Variants in LEF1 observed in about 807,000 individuals in gnomAD.
LEF1 encodes the protein lymphoid enhancer-binding factor 1.
A neutral mutation model predicts 51.2 loss-of-function variants in LEF1; 14 were observed. That is an observed-to-expected ratio of 0.27 (90% confidence interval 0.18 to 0.43). The LOEUF (loss-of-function observed/expected upper bound fraction) is 0.43. Among genes scored for constraint, LEF1 ranks in the 20% least tolerant of loss-of-function variants. The pLI is 1.00. For synonymous variants in LEF1, 185 were observed against 183.2 expected (o/e 1.01, Z -0.08); for missense variants, 386 against 512.0 (o/e 0.75, Z 2.37).
chr4:108,067,886 G>A (rs1738185407), intron 9 of LEF1, among the ~76,000 whole-genome samples: 1 of 152,080 alleles, frequency 6.6e-6, no homozygotes, highest in African/African-American at 2.4e-5. Flanking sequence ...TACAGGGCAT[G>A]GCAGGAGCTC....
chr4:108,078,429 G>T, intron 7 of LEF1, 47 bp from the exon 8 acceptor site: 1 of 1,612,790 alleles, frequency 6.2e-7, no homozygotes, highest in South Asian at 1.1e-5. Flanking sequence ...TTGAAGGAAT[G>T]AGGAAGGGAT....
At position 108,137,506 on chromosome 4, in the gene LEF1, A is replaced by C. The variant is rs900840667; in HGVS notation, c.414+26062T>G. 9.2e-5 allele frequency among the ~76,000 whole-genome samples: 14 copies of C among 152,332 alleles called. No individual in the cohort carries two copies. In the Middle Eastern group the frequency reaches 0.017, roughly 185 times the overall value. ...TGATAAAAATGCCCTCAAAGATAGGAAAAGAGGAAAGTGGCACTGATTTGT... is the reference window on the plus strand; with the variant it reads ...TGATAAAAATGCCCTCAAAGATAGGCAAAGAGGAAAGTGGCACTGATTTGT... On this transcript the variant is annotated intron_variant, in intron 3 of 11. Coordinates refer to ENST00000265165, the MANE Select transcript of LEF1 (RefSeq NM_016269.5).
intron 3 of LEF1, among the ~76,000 whole-genome samples, chr4:108,099,780 G>A (rs1216673656): frequency 1.3e-5 from 2 of 151,004 alleles, no homozygotes; most frequent in South Asian, 2.1e-4. Context: ...ATATTTATAT[G>A]ACAACTAGTA....
chr4:108,067,530 T>TC (rs1738156571), intron 9 of LEF1, among the ~76,000 whole-genome samples: 1 of 150,144 alleles, frequency 6.7e-6, no homozygotes, highest in African/African-American at 2.4e-5. Context: ...GATTAGAAGA[T>TC]CCTTTTTTTT....
chr4:108,126,895 A>G lies in LEF1; in HGVS notation c.414+36673T>C, dbSNP rs541849518. 3.8e-3 allele frequency among the ~76,000 whole-genome samples: 511 copies of G among 134,522 alleles called. 5 individuals carry two copies. The Middle Eastern group carries it at 0.049, about 13-fold the overall frequency. 88.3% of individuals were successfully genotyped at this position (134,522 alleles called of 152,430 possible). A position where few individuals can be genotyped will look rare whatever the true frequency, so the allele number is the denominator to read the frequency against. On this transcript the variant is annotated intron_variant, in intron 3 of 11. Transcript: ENST00000265165. Reference sequence around the variant, plus strand: ...TGTGTGTGTGTGTGTGTGTGTGTGTAGCTCTATTTTAGGGGCTAGTCATAC... The same window carrying G: ...TGTGTGTGTGTGTGTGTGTGTGTGTGGCTCTATTTTAGGGGCTAGTCATAC...
chr4:108,136,832 C>T (rs1743295536), intron 3 of LEF1, among the ~76,000 whole-genome samples: 1 of 152,078 alleles, frequency 6.6e-6, no homozygotes, highest in African/African-American at 2.4e-5. Flanking sequence ...AGGGAAATAA[C>T]TTCCAATAAT....
chr4:108,104,528 C>T (rs1469487460), intron 3 of LEF1, among the ~76,000 whole-genome samples: 1 of 149,084 alleles, frequency 6.7e-6, no homozygotes, highest in African/African-American at 2.5e-5. Flanking sequence ...TATCTCTGAA[C>T]ATTGTAATTT....
chr4:108,062,869 G>A lies in LEF1; in HGVS notation c.*6+754C>T, dbSNP rs866670343. 2.0e-5 allele frequency among the ~76,000 whole-genome samples: 3 copies of A among 152,114 alleles called. No homozygotes were observed. In the South Asian group the frequency reaches 6.2e-4, roughly 32 times the overall value. On this transcript the variant is annotated intron_variant, in intron 11 of 11. Coordinates refer to ENST00000265165, the MANE Select transcript of LEF1 (RefSeq NM_016269.5). ...ACCAAAGGCAGCTCCTTTGAGAACT[G>A]TTACCAGGAGAAGAGGTACACACCC... is the stretch of plus-strand genomic sequence containing the variant.
intron 11 of LEF1, among the ~76,000 whole-genome samples, chr4:108,054,095 T>C (rs10025431): frequency 6.6e-6 from 1 of 152,036 alleles, no homozygotes; most frequent in Non-Finnish European, 1.5e-5. Flanking sequence ...AGGGAGGTGA[T>C]AACTTGTATG....
intron 11 of LEF1, among the ~76,000 whole-genome samples, chr4:108,055,080 T>C (rs1737233544): frequency 6.6e-6 from 1 of 152,190 alleles, no homozygotes; most frequent in South Asian, 2.1e-4. Context: ...AAATAGCACA[T>C]TTTAGCCTTT....
intron 3 of LEF1, among the ~76,000 whole-genome samples, chr4:108,090,803 C>T (rs551131021): frequency 2.0e-5 from 3 of 152,136 alleles, no homozygotes; most frequent in Non-Finnish European, 2.9e-5. Context: ...TCTATCTAAC[C>T]GTATTTTTAT....
At chr4:108,148,623 A>C (rs1350796509) in intron 3 of LEF1, among the ~76,000 whole-genome samples, 1 of 152,210 alleles carries the variant, frequency 6.6e-6, no homozygotes, top group Non-Finnish European at 1.5e-5. Context: ...TGCTTTTATC[A>C]TCATGTATCC....
Position 108,083,568 on chromosome 4 carries a change from A to T in LEF1, c.548-122T>A, listed in dbSNP as rs1739454469. ...GAATGAAACAATATTTATTCACCAG[A>T]TCCAAGGAACAGGAGTCCATTTGTT... On this transcript the variant is annotated intron_variant, in intron 4 of 11. Transcript: ENST00000265165. 4 of 611,076 alleles carry T rather than the reference A, an allele frequency of 6.5e-6. No individual in the cohort carries two copies. The South Asian group carries it at 9.8e-5, about 15-fold the overall frequency. The allele number at this position is 611,076 out of a possible 1,614,324, so 37.9% of individuals were successfully genotyped here. A position where few individuals can be genotyped will look rare whatever the true frequency, so the allele number is the denominator to read the frequency against.
At chr4:108,141,419 C>T (rs112647522) in intron 3 of LEF1, among the ~76,000 whole-genome samples, 11 of 152,262 alleles carry the variant, frequency 7.2e-5, no homozygotes, top group African/African-American at 2.4e-4. Context: ...TAATTGTCAT[C>T]GAGATGTGGC....
At chr4:108,089,726 G>C (rs916855075) in intron 3 of LEF1, among the ~76,000 whole-genome samples, 1 of 152,096 alleles carries the variant, frequency 6.6e-6, no homozygotes, top group South Asian at 2.1e-4. Flanking sequence ...CCAATTCAAA[G>C]GATAAATTTT....
chr4:108,080,387 C>T (rs1022265601), intron 6 of LEF1, among the ~76,000 whole-genome samples: 3 of 152,184 alleles, frequency 2.0e-5, no homozygotes, highest in Non-Finnish European at 4.4e-5. Context: ...TTTTGCTTTT[C>T]AAACTTTTTA....
intron 3 of LEF1, among the ~76,000 whole-genome samples, chr4:108,093,873 ATACATAGTAAT>A (rs1436199847): frequency 2.0e-5 from 3 of 152,216 alleles, no homozygotes; most frequent in Non-Finnish European, 4.4e-5. Context: ...TACCCACATA[ATACATAGTAAT>A]TACAGCAATT....
chr4:108,073,833 CT>C (rs1245402800), intron 8 of LEF1, among the ~76,000 whole-genome samples: 5 of 144,024 alleles, frequency 3.5e-5, no homozygotes, highest in African/African-American at 5.3e-5. Flanking sequence ...ACCCCCCCCC[CT>C]TTTTTTTTTG....
intron 3 of LEF1, among the ~76,000 whole-genome samples, chr4:108,096,710 T>C (rs1424720572): frequency 5.3e-5 from 8 of 152,172 alleles, no homozygotes; most frequent in Admixed American, 5.2e-4. Context: ...GATTAATAAC[T>C]AGAATATGTA....
Sources: allele counts gnomAD v4.1 joint callset (sites outside exome capture counted in the v4.1 genomes callset), GRCh38; gene constraint gnomAD v4.1.1; transcripts MANE v1.5; gene names NCBI Gene and HGNC (gene_info 2026-07-23, HGNC 2026-07-21).